Variants in SLC14A2 observed in about 807,000 individuals in gnomAD.
SLC14A2 encodes the protein solute carrier family 14 member 2, also known as urea transporter 2.
SLC14A2 carries 91 observed loss-of-function variants against 104.6 expected under a neutral mutation model. The observed-to-expected ratio is 0.87, with a 90% confidence interval of 0.73 to 1.04. The LOEUF (loss-of-function observed/expected upper bound fraction) is 1.04. Ranked by LOEUF, SLC14A2 falls within the 50% of genes least tolerant of loss-of-function variation. The pLI is 0.00. For missense variants in SLC14A2, 1,189 were observed against 1,156.0 expected (o/e 1.03, Z -0.41); for synonymous variants, 476 against 466.4 (o/e 1.02, Z -0.27).
intron 2 of SLC14A2, among the ~76,000 whole-genome samples, chr18:45,593,046 C>T (rs543099776): frequency 9.9e-5 from 15 of 152,208 alleles, no homozygotes; most frequent in Non-Finnish European, 2.2e-4. Flanking sequence ...GGCCGGGCGC[C>T]GTGGCTCACG....
intron 1 of SLC14A2, among the ~76,000 whole-genome samples, chr18:45,457,818 G>A (rs188157040): frequency 2.0e-4 from 30 of 152,182 alleles, no homozygotes; most frequent in Non-Finnish European, 3.5e-4. Context: ...CTAATTGTGC[G>A]TCTGTCTAAA....
At chr18:45,325,738 G>C (rs775037441) in intron 1 of SLC14A2, among the ~76,000 whole-genome samples, 1 of 152,134 alleles carries the variant, frequency 6.6e-6, no homozygotes, top group Non-Finnish European at 1.5e-5. Flanking sequence ...AGAAGTAAAG[G>C]TGACCTAAGC....
intron 1 of SLC14A2, among the ~76,000 whole-genome samples, chr18:45,385,323 G>A (rs2085883592): frequency 6.6e-6 from 1 of 152,230 alleles, no homozygotes; most frequent in Admixed American, 6.5e-5. Context: ...CCCACACTAA[G>A]GGAGTTGGGC....
At chr18:45,380,118 C>G (rs1199666923) in intron 1 of SLC14A2, among the ~76,000 whole-genome samples, 1 of 152,226 alleles carries the variant, frequency 6.6e-6, no homozygotes, top group African/African-American at 2.4e-5. Context: ...CACCACAACA[C>G]TTTCTGGGCC....
At chr18:45,622,924 G>A (rs1024145512) in intron 1 of SLC14A2, among the ~76,000 whole-genome samples, 3 of 152,176 alleles carry the variant, frequency 2.0e-5, no homozygotes, top group South Asian at 2.1e-4. Context: ...CAATCTACTC[G>A]GTTATTACCC....
chr18:45,648,267 A>G lies in SLC14A2; in HGVS notation c.1351+4107A>G, dbSNP rs531870791. ...ATCGCCCAGGCTGGAGTGCAGTGGC[A>G]CCATCTGGGCTCACTGCAAGCTCCG... On this transcript the variant is annotated intron_variant, in intron 10 of 19. Transcript: ENST00000255226. Among the ~76,000 whole-genome samples the G allele has an allele frequency of 4.7e-3, 635 of 134,914 alleles. 3 individuals are homozygous for G. Among genetic ancestry groups the G allele is most frequent in the Middle Eastern group, 0.015 (3 of 204 alleles). The allele number at this position is 134,914 out of a possible 152,430, so 88.5% of individuals were successfully genotyped here.
intron 1 of SLC14A2, among the ~76,000 whole-genome samples, chr18:45,266,054 C>A (rs2084589392): frequency 6.6e-6 from 1 of 152,090 alleles, no homozygotes; most frequent in Admixed American, 6.5e-5. Flanking sequence ...GAGAATCAGG[C>A]TCACCAGGGT....
chr18:45,531,843 G>A (rs896423025), intron 2 of SLC14A2, among the ~76,000 whole-genome samples: 17 of 152,156 alleles, frequency 1.1e-4, no homozygotes, highest in African/African-American at 3.1e-4. Context: ...GGTCTAACAT[G>A]TAAGTCTTTA....
At chr18:45,576,444 C>T (rs977005454) in intron 2 of SLC14A2, among the ~76,000 whole-genome samples, 19 of 152,042 alleles carry the variant, frequency 1.2e-4, no homozygotes, top group Non-Finnish European at 2.4e-4. Context: ...CCACCACGCC[C>T]GGCTAATTTG....
chr18:45,391,486 C>T lies in SLC14A2; in HGVS notation c.-124-91747C>T, dbSNP rs987676237. The stretch of plus-strand genomic sequence containing the variant: ...AAATGGTATTTCTAGTTCTAGATCC[C>T]TGAGGAATCGCCCCACTGACTTCCA... On this transcript the variant is annotated intron_variant, in intron 1 of 20. Transcript: ENST00000586448. Among the ~76,000 whole-genome samples the T allele has an allele frequency of 5.3e-5, 8 of 152,286 alleles. No homozygotes were observed. The South Asian group carries it at 1.5e-3, about 28-fold the overall frequency.
At chr18:45,424,904 T>C (rs748141841) in intron 1 of SLC14A2, among the ~76,000 whole-genome samples, 1 of 152,220 alleles carries the variant, frequency 6.6e-6, no homozygotes, top group South Asian at 2.1e-4. Context: ...TTTATCCTGC[T>C]GAAGGCCTGT....
chr18:45,338,340 A>G (rs1210910766), intron 1 of SLC14A2, among the ~76,000 whole-genome samples: 1 of 152,062 alleles, frequency 6.6e-6, no homozygotes, highest in Non-Finnish European at 1.5e-5. Flanking sequence ...AGCTGGGACT[A>G]CAGGCGCTTG....
At chr18:45,677,427 A>G (rs1189143212) in intron 18 of SLC14A2, among the ~76,000 whole-genome samples, 1 of 152,084 alleles carries the variant, frequency 6.6e-6, no homozygotes, top group African/African-American at 2.4e-5. Flanking sequence ...CTCAGATCTG[A>G]GAGGCTGATT....
chr18:45,275,942 T>C (rs1454447900), intron 1 of SLC14A2, among the ~76,000 whole-genome samples: 1 of 152,134 alleles, frequency 6.6e-6, no homozygotes, highest in Non-Finnish European at 1.5e-5. Flanking sequence ...AGAATAAAGG[T>C]GCTGTTTTTG....
chr18:45,672,242 A>C (rs1222404076), intron 16 of SLC14A2, among the ~76,000 whole-genome samples: 1 of 152,176 alleles, frequency 6.6e-6, no homozygotes, highest in African/African-American at 2.4e-5. Context: ...TTTAAAAAAA[A>C]ATCATGGCCA....
At chr18:45,467,366 C>G (rs1172682613) in intron 1 of SLC14A2, among the ~76,000 whole-genome samples, 4 of 152,172 alleles carry the variant, frequency 2.6e-5, no homozygotes, top group Non-Finnish European at 5.9e-5. Context: ...TCATTTCCCC[C>G]ATATTGGCTG....
At chr18:45,414,777 T>C (rs1184877649) in intron 1 of SLC14A2, among the ~76,000 whole-genome samples, 1 of 121,700 alleles carries the variant, frequency 8.2e-6, no homozygotes, top group African/African-American at 3.5e-5. Flanking sequence ...TATATATATA[T>C]ATATATATAT....
the SLC14A2 span, among the ~76,000 whole-genome samples, chr18:45,192,414 T>TG: frequency 6.6e-6 from 1 of 152,204 alleles, no homozygotes; most frequent in Non-Finnish European, 1.5e-5. Flanking sequence ...ATATATGTTT[T>TG]TATTTGCCTT....
chr18:45,466,948 T>A (rs1833413), intron 1 of SLC14A2, among the ~76,000 whole-genome samples: 4 of 151,818 alleles, frequency 2.6e-5, no homozygotes, highest in Non-Finnish European at 5.9e-5. Flanking sequence ...CGCGGAGCTC[T>A]AATTCTTTCA....
Sources: gnomAD v4.1 joint callset for allele counts (sites outside exome capture counted in the v4.1 genomes callset) on GRCh38, gnomAD v4.1.1 for gene constraint, MANE v1.5 for transcripts, NCBI Gene and HGNC (gene_info 2026-07-23, HGNC 2026-07-21) for gene names.